Variants in ACTL8 observed in about 807,000 individuals in gnomAD.
ACTL8 encodes the protein actin-like protein 8.
Under a neutral mutation model 9.3 loss-of-function variants are expected in ACTL8, and 3 were observed. That is an observed-to-expected ratio of 0.32 (90% CI 0.15 to 0.83). ACTL8 has a LOEUF of 0.83. Ranked by LOEUF, ACTL8 falls within the 40% of genes least tolerant of loss-of-function variation. ACTL8 has a pLI of 0.57. For synonymous variants in ACTL8, 224 were observed against 205.9 expected, an observed-to-expected ratio of 1.09 and a Z score of -0.75; for missense variants, 381 against 492.2, an observed-to-expected ratio of 0.77 and a Z score of 2.14.
At chr1:17,808,447 A>G (rs2066373113) in intron 1 of ACTL8, among the ~76,000 whole-genome samples, 1 of 152,208 alleles carries the variant, frequency 6.6e-6, no homozygotes, top group African/African-American at 2.4e-5. Context: ...CATGGCAGTG[A>G]TTAAGAGCTT....
At chr1:17,761,728 G>A (rs34635301) in intron 1 of ACTL8, among the ~76,000 whole-genome samples, 4,325 of 152,078 alleles carry the variant, frequency 0.028, 84 homozygotes, top group Middle Eastern at 0.065. Context: ...CCACCACCAC[G>A]CCCAGCTAAT....
At chr1:17,792,421 T>TA (rs2066246524) in intron 1 of ACTL8, among the ~76,000 whole-genome samples, 1 of 152,226 alleles carries the variant, frequency 6.6e-6, no homozygotes, top group Non-Finnish European at 1.5e-5. Context: ...TGCCTTCAAA[T>TA]ATCTGGAAGG....
At chr1:17,763,510 G>A (rs991412768) in intron 1 of ACTL8, among the ~76,000 whole-genome samples, 4 of 152,088 alleles carry the variant, frequency 2.6e-5, no homozygotes, top group African/African-American at 9.7e-5. Flanking sequence ...CCACTTCTGC[G>A]GGACCCTCGG....
At chr1:17,790,474 G>C (rs1320670275) in intron 1 of ACTL8, among the ~76,000 whole-genome samples, 1 of 152,192 alleles carries the variant, frequency 6.6e-6, no homozygotes, top group South Asian at 2.1e-4. Context: ...TAGCTCAGTG[G>C]AGGCCCTGGA....
chr1:17,773,163 G>C (rs1221145786), intron 1 of ACTL8, among the ~76,000 whole-genome samples: 2 of 152,156 alleles, frequency 1.3e-5, no homozygotes, highest in Non-Finnish European at 1.5e-5. Flanking sequence ...AGGATTAGAG[G>C]CTTGTTCTAT....
chr1:17,818,759 C>G (rs997692925), intron 1 of ACTL8, among the ~76,000 whole-genome samples: 3 of 152,190 alleles, frequency 2.0e-5, no homozygotes, highest in Admixed American at 6.5e-5. Flanking sequence ...GTTCCCTGTC[C>G]TTACCAGGTT....
At chr1:17,810,426 G>GA (rs944664650) in intron 1 of ACTL8, among the ~76,000 whole-genome samples, 75 of 152,132 alleles carry the variant, frequency 4.9e-4, no homozygotes, top group Admixed American at 4.8e-3. Context: ...TATTCTCTTT[G>GA]AAAACCACAA....
chr1:17,825,760 G>A lies in ACTL8; in HGVS notation c.349-7G>A, dbSNP rs374118258. 563 of 1,607,534 alleles carry A rather than the reference G, an allele frequency of 3.5e-4. 1 individual carries two copies. The highest frequency in any genetic ancestry group is 7.3e-4 in the African/African-American group (55 of 74,864). ...AAATGCACTGAGTGAATTCTCCCTCGTTGCAGATCCTGTTTGAGTTGCTGC... is the reference window on the plus strand; with the variant it reads ...AAATGCACTGAGTGAATTCTCCCTCATTGCAGATCCTGTTTGAGTTGCTGC... On this transcript the variant is annotated splice_polypyrimidine_tract_variant and splice_region_variant and intron_variant, in intron 2 of 2. Coordinates refer to ENST00000375406, the MANE Select transcript of ACTL8 (RefSeq NM_030812.3).
rs758316651 is a variant in ACTL8, at chr1:17,826,474, T to C, written c.1056T>C (p.Ser352=). 1 of 1,607,846 alleles carries C rather than the reference T, an allele frequency of 6.2e-7. No individual in the cohort carries two copies. The highest frequency in any genetic ancestry group is 2.2e-5 in the East Asian group (1 of 44,762). Residue 352 remains serine (S), a synonymous_variant, in exon 3 of 3, where the codon TCT becomes TCC. Transcript: ENST00000375406. The surrounding 1 kb of genome is among the most constrained non-coding windows in gnomAD (Gnocchi z 4.5). ...TGGCTCACCTTTCTACCTACCAGTC[T>C]GAGTGGATGTCCCGAGAGGAGTATG... The part of the protein sequence containing the change: ...SVVAHLSTYQ[S]EWMSREEYGE...
At chr1:17,759,214 G>A (rs2065986525) in intron 1 of ACTL8, among the ~76,000 whole-genome samples, 1 of 152,250 alleles carries the variant, frequency 6.6e-6, no homozygotes, top group South Asian at 2.1e-4. Context: ...GGTGAAAATG[G>A]ATCTGGGCCC....
At position 17,799,255 on chromosome 1, in the gene ACTL8, C is replaced by G. The variant is rs530785011; in HGVS notation, c.-24-23730C>G. Reference sequence around the variant, plus strand: ...TCACTCCCACCAGCGGGGTTGGGAGCTTCCTTTTCCCACATCTGTGCCAGC... The same window carrying G: ...TCACTCCCACCAGCGGGGTTGGGAGGTTCCTTTTCCCACATCTGTGCCAGC... On this transcript the variant is annotated intron_variant, in intron 1 of 2. Coordinates refer to ENST00000375406, the MANE Select transcript of ACTL8 (RefSeq NM_030812.3). Among the ~76,000 whole-genome samples the G allele has an allele frequency of 1.1e-4, 16 of 152,318 alleles. No individual in the cohort carries two copies. In the South Asian group the frequency reaches 3.3e-3, roughly 32 times the overall value.
intron 1 of ACTL8, among the ~76,000 whole-genome samples, chr1:17,789,946 G>A (rs920685743): frequency 8.5e-5 from 13 of 152,244 alleles, no homozygotes; most frequent in Non-Finnish European, 1.9e-4. Flanking sequence ...GCTGCACTTG[G>A]CTCATGCCAC....
chr1:17,817,113 A>T (rs1482180128), intron 1 of ACTL8, among the ~76,000 whole-genome samples: 1 of 150,186 alleles, frequency 6.7e-6, no homozygotes. Context: ...AGTCCTACTC[A>T]GTAGGAAAGA....
chr1:17,826,716 C>T lies in ACTL8; in HGVS notation c.*197C>T. The stretch of plus-strand genomic sequence containing the variant: ...AGTGGGACCTACCCAAGGGGGAAGA[C>T]AAGATGTCATCCTTGGAAACCCTGC... On this transcript the variant is annotated 3_prime_UTR_variant, in exon 3 of 3. Transcript: ENST00000375406. The surrounding 1 kb of genome is among the most constrained non-coding windows in gnomAD (Gnocchi z 4.5). 2.1e-6 allele frequency: 1 copy of T among 486,468 alleles called. No homozygotes were observed. The highest frequency in any genetic ancestry group is 3.4e-6 in the Non-Finnish European group (1 of 295,994). The allele number at this position is 486,468 out of a possible 1,614,324, so 30.1% of individuals were successfully genotyped here. A position where few individuals can be genotyped will look rare whatever the true frequency, so the allele number is the denominator to read the frequency against.
At chr1:17,815,927 T>C (rs116832416) in intron 1 of ACTL8, among the ~76,000 whole-genome samples, 3,472 of 152,316 alleles carry the variant, frequency 0.023, 130 homozygotes, top group African/African-American at 0.076. Flanking sequence ...CTGTCGTCTC[T>C]ATTCTATGGA....
In ACTL8 at chr1:17,823,027, A is replaced by G. The variant is rs1181640767; in HGVS notation, c.19A>G (p.Ile7Val). 6.2e-7 allele frequency: 1 copy of G among 1,614,016 alleles called. No homozygotes were observed. The highest frequency in any genetic ancestry group is 1.1e-5 in the South Asian group (1 of 91,078). ...CTCCGCCATGGCTGCAAGAACCGTTATCATTGACCACGGGTCTGGCTTTTT... is the reference window on the plus strand; with the variant it reads ...CTCCGCCATGGCTGCAAGAACCGTTGTCATTGACCACGGGTCTGGCTTTTT... MAARTV[I>V]IDHGSGFLKA... The change falls in exon 2 of 3, where the codon ATC becomes GTC. Residue 7 changes from isoleucine to valine, a missense_variant. Ile to Val is a conservative substitution (Grantham distance 29). This residue lies in a region of ACTL8 where 125 missense variants were observed against 180.7 expected (regional missense o/e 0.69). Transcript: ENST00000375406. This position sits in a 1 kb window ranked among gnomAD's most constrained non-coding sequence, Gnocchi z 5.3.
intron 1 of ACTL8, among the ~76,000 whole-genome samples, chr1:17,794,639 CTTTGCATAATTTT>C (rs2066264650): frequency 3.9e-5 from 6 of 152,178 alleles, no homozygotes; most frequent in Admixed American, 3.9e-4. Context: ...CTACTTTTCT[CTTTGCATAATTTT>C]TATTTGTGTC....
At chr1:17,801,487 A>G (rs1404593356) in intron 1 of ACTL8, among the ~76,000 whole-genome samples, 2 of 151,888 alleles carry the variant, frequency 1.3e-5, no homozygotes, top group Non-Finnish European at 2.9e-5. Context: ...TGTAAGTCTG[A>G]GATAGTTGGA....
intron 1 of ACTL8, among the ~76,000 whole-genome samples, chr1:17,783,895 T>C (rs997126625): frequency 2.0e-5 from 3 of 152,232 alleles, no homozygotes; most frequent in Non-Finnish European, 2.9e-5. Flanking sequence ...CTTAAGAGTC[T>C]CTAGGATGGG....
Sources: allele counts gnomAD v4.1 joint callset (sites outside exome capture counted in the v4.1 genomes callset), GRCh38; gene constraint gnomAD v4.1.1; regional missense constraint gnomAD v4.1.1; non-coding constraint Gnocchi (gnomAD v3.1); transcripts MANE v1.5; gene names NCBI Gene and HGNC (gene_info 2026-07-23, HGNC 2026-07-21).